Variants in NUP160 observed in about 807,000 individuals in gnomAD.
NUP160 encodes nucleoporin 160.
In NUP160, 94 loss-of-function variants were observed where a neutral mutation model predicts 196.9. The ratio of observed to expected loss-of-function variants is 0.48; its 90% CI spans 0.40 to 0.57. NUP160 has a LOEUF of 0.57. NUP160 is among the 20% of genes least tolerant of loss of function. NUP160 has a pLI of 0.00. For synonymous variants in NUP160, 605 were observed against 619.7 expected, an observed-to-expected ratio of 0.98 and a Z score of 0.35; for missense variants, 1,638 against 1,748.3, an observed-to-expected ratio of 0.94 and a Z score of 1.13.
chr11:47,788,255 A>G, exon 31 of NUP160: 1 of 1,614,094 alleles, frequency 6.2e-7, no homozygotes, highest in Non-Finnish European at 8.5e-7. Context: ...GCAGTGTCAA[A>G]GAGGCCCGCC....
chr11:47,847,869 G>A (rs1370924526), exon 2 of NUP160: 1 of 1,613,362 alleles, frequency 6.2e-7, no homozygotes, highest in Non-Finnish European at 8.5e-7. Context: ...CCTGTTTCTG[G>A]TTACGGAGAA....
intron 20 of NUP160, among the ~76,000 whole-genome samples, chr11:47,804,987 T>C (rs1435286848): frequency 6.6e-6 from 1 of 152,138 alleles, no homozygotes; most frequent in Non-Finnish European, 1.5e-5. Context: ...TAAATAAATT[T>C]TTAAAAGCCT....
intron 20 of NUP160, 52 bp from the exon 21 acceptor site, chr11:47,804,670 T>C: frequency 8.3e-7 from 1 of 1,198,696 alleles, no homozygotes; most frequent in Non-Finnish European, 1.2e-6. Context: ...ATCTTAAACA[T>C]ATACATTGGG....
rs191985321 is a variant in NUP160 at position 47,782,054 on chromosome 11, G to A, written c.4116+1019C>T. ...CCAGCACTTTGGGAGGCCGAGGTGG[G>A]TGGATCACTTGAGGTTAGGAGTTCC... On this transcript the variant is annotated intron_variant, in intron 34 of 35. Coordinates refer to ENST00000378460, the Ensembl canonical transcript of NUP160. Among the ~76,000 whole-genome samples, 12 of 152,028 alleles carry A rather than the reference G, an allele frequency of 7.9e-5. No homozygotes were observed. The East Asian group carries it at 2.3e-3, about 29-fold the overall frequency.
intron 9 of NUP160, 104 bp downstream of exon 9, chr11:47,821,620 A>C (rs1851859180): frequency 1.2e-6 from 1 of 805,888 alleles, no homozygotes; most frequent in Non-Finnish European, 2.1e-6. Flanking sequence ...TCGGCCTCTC[A>C]AAGTGTTAGG....
At chr11:47,796,668 A>C (rs1392466913) in intron 27 of NUP160, among the ~76,000 whole-genome samples, 1 of 152,228 alleles carries the variant, frequency 6.6e-6, no homozygotes, top group African/African-American at 2.4e-5. Context: ...TTTACATTAA[A>C]AAGTTGAATG....
chr11:47,782,305 TATATATATATATATATA>T lies in NUP160; in HGVS notation c.4116+751_4116+767del, dbSNP rs2097661728. On this transcript the variant is annotated intron_variant, in intron 34 of 35. Coordinates refer to ENST00000378460, the Ensembl canonical transcript of NUP160. ...AAACTCAGTTAAAAAAAAAAAAAAATATATATATATATATATATATATATATATATATATATATATAT... is the reference window on the plus strand; with the variant it reads ...AAACTCAGTTAAAAAAAAAAAAAAATTATATATATATATATATATATATAT... Among the ~76,000 whole-genome samples, 2 of 10,556 alleles carry T rather than the reference TATATATATATATATATA, an allele frequency of 1.9e-4. 1 individual carries two copies. Among genetic ancestry groups the T allele is most frequent in the African/African-American group, 1.0e-3 (2 of 1,912 alleles). The allele number at this position is 10,556 out of a possible 152,430, so 6.9% of individuals were successfully genotyped here. A position where few individuals can be genotyped will look rare whatever the true frequency, so the allele number is the denominator to read the frequency against.
At chr11:47,840,908 T>A (rs1037605643) in intron 2 of NUP160, among the ~76,000 whole-genome samples, 1 of 152,174 alleles carries the variant, frequency 6.6e-6, no homozygotes, top group African/African-American at 2.4e-5. Flanking sequence ...TGTAGTGGAA[T>A]GTGGCCTCCA....
exon 9 of NUP160, chr11:47,821,752 T>C (rs2092279741): frequency 6.2e-7 from 1 of 1,613,846 alleles, no homozygotes; most frequent in South Asian, 1.1e-5. Flanking sequence ...TTCACTACTG[T>C]TTGGTTCTCA....
chr11:47,823,738 T>C (rs1043321276), intron 7 of NUP160, among the ~76,000 whole-genome samples: 1 of 151,918 alleles, frequency 6.6e-6, no homozygotes, highest in Non-Finnish European at 1.5e-5. Context: ...GGTTTCACCG[T>C]GTTATCCAGG....
At chr11:47,820,883 T>A (rs1312795125) in intron 9 of NUP160, among the ~76,000 whole-genome samples, 1 of 152,108 alleles carries the variant, frequency 6.6e-6, no homozygotes. Context: ...AAGGTCTTGC[T>A]ATGTTGCCTG....
chr11:47,792,313 AACTC>A (rs1331685469), intron 28 of NUP160: 3 of 273,160 alleles, frequency 1.1e-5, no homozygotes, highest in Non-Finnish European at 2.1e-5. Context: ...TGATAGGAAA[AACTC>A]AAAGTGTGTG....
At chr11:47,790,654 C>T (rs867771526) in intron 29 of NUP160, among the ~76,000 whole-genome samples, 15 of 152,176 alleles carry the variant, frequency 9.9e-5, no homozygotes, top group Middle Eastern at 3.4e-3. Context: ...TGTGGGAGTC[C>T]GAGGTAGGAG....
chr11:47,821,500 T>G, intron 9 of NUP160: 1 of 495,520 alleles, frequency 2.0e-6, no homozygotes, highest in African/African-American at 2.0e-5. Context: ...GGAGCTGGGA[T>G]TATAGGCACC....
intron 17 of NUP160, among the ~76,000 whole-genome samples, chr11:47,810,876 A>G (rs1254737726): frequency 2.0e-5 from 3 of 152,148 alleles, no homozygotes; most frequent in Non-Finnish European, 2.9e-5. Context: ...TAAAATGTAT[A>G]AGTACATTTA....
rs1442421896 is a variant in NUP160, at chr11:47,787,642, C to A, written c.3746+540G>T. Among the ~76,000 whole-genome samples, 3 of 151,598 alleles carry A rather than the reference C, an allele frequency of 2.0e-5. No individual in the cohort carries two copies. The East Asian group carries it at 5.8e-4, about 30-fold the overall frequency. On this transcript the variant is annotated intron_variant, in intron 31 of 35. Transcript: ENST00000378460. ...TTTCACCATGTTGGCCAGGCTGGTC[C>A]CAAGCGATCCACCCGCCACAGCCTC... is the stretch of plus-strand genomic sequence containing the variant.
exon 15 of NUP160, chr11:47,813,045 C>T (rs761218518): frequency 6.3e-7 from 1 of 1,593,306 alleles, no homozygotes; most frequent in Non-Finnish European, 8.6e-7. Flanking sequence ...GCGATGTCCA[C>T]ATCTACAAAT....
intron 7 of NUP160, among the ~76,000 whole-genome samples, chr11:47,826,688 G>A (rs954910202): frequency 6.6e-6 from 1 of 151,216 alleles, no homozygotes. Context: ...TCAGTCTCCC[G>A]AGTAGCTGGG....
chr11:47,812,289 TTC>T lies in NUP160; in HGVS notation c.2080+11_2080+12del. The T allele has an allele frequency of 1.9e-6, 3 of 1,613,894 alleles. No individual in the cohort carries two copies. The highest frequency in any genetic ancestry group is 2.5e-6 in the Non-Finnish European group (3 of 1,179,900). The stretch of plus-strand genomic sequence containing the variant: ...TTTAATCAAAGAGGCACATTTGTTG[TTC>T]TGTCATTTACCTGGATTGAATCCCT... On this transcript the variant is annotated intron_variant, in intron 16 of 35. Coordinates refer to ENST00000378460, the Ensembl canonical transcript of NUP160.
Sources: allele counts gnomAD v4.1 joint callset (sites outside exome capture counted in the v4.1 genomes callset), GRCh38; gene constraint gnomAD v4.1.1; transcripts MANE v1.5; gene names NCBI Gene and HGNC (gene_info 2026-07-23, HGNC 2026-07-21).